CCS: variants seen among roughly 807,000 people sequenced by gnomAD.
CCS encodes copper chaperone for superoxide dismutase.
Under a neutral mutation model 35.5 loss-of-function variants are expected in CCS, and 32 were observed. That is an observed-to-expected ratio of 0.90 (90% CI 0.68 to 1.21). The LOEUF is 1.21. Ranked by LOEUF, CCS falls within the 50% of genes most tolerant of loss-of-function variation. The pLI, the probability that CCS is intolerant of heterozygous loss-of-function variation, is 0.00. For synonymous variants in CCS, 130 were observed against 147.2 expected, an observed-to-expected ratio of 0.88 and a Z score of 0.84; for missense variants, 342 against 375.4, an observed-to-expected ratio of 0.91 and a Z score of 0.73.
chr11:66,599,616 C>A lies in CCS; in HGVS notation c.408C>A (p.Asp136Glu), dbSNP rs201708896. 1 of 1,610,890 alleles carries A rather than the reference C, an allele frequency of 6.2e-7. No homozygotes were observed. The highest frequency in any genetic ancestry group is 2.2e-5 in the East Asian group (1 of 44,794). The change falls in exon 4 of 8, where the codon GAC becomes GAA. Residue 136 changes from aspartate to glutamate, a missense_variant. Transcript: ENST00000533244. ...GACTCCACGTCCATCAGTACGGGGA[C>A]CTTACAAACAACTGCAACAGGTGAG... ...LHGLHVHQYGDLTNNCNSCGN... is the reference protein window; with the variant it reads ...LHGLHVHQYGELTNNCNSCGN...
At chr11:66,602,628 G>A (rs1858589341) in intron 5 of CCS, among the ~76,000 whole-genome samples, 3 of 152,156 alleles carry the variant, frequency 2.0e-5, no homozygotes, top group Admixed American at 6.5e-5. Flanking sequence ...ATTGAAGAGG[G>A]TAAGAGTGGG....
intron 5 of CCS, among the ~76,000 whole-genome samples, chr11:66,604,913 A>G (rs1858629353): frequency 6.6e-6 from 1 of 152,176 alleles, no homozygotes; most frequent in African/African-American, 2.4e-5. Flanking sequence ...TAGGAATTGA[A>G]GACAGCCAAG....
intron 2 of CCS, among the ~76,000 whole-genome samples, chr11:66,596,282 GTA>G (rs1351120190): frequency 1.3e-5 from 2 of 151,998 alleles, no homozygotes; most frequent in Non-Finnish European, 2.9e-5. Flanking sequence ...GGCAAGGCTA[GTA>G]TCGAACTCCT....
At chr11:66,599,303 G>T (rs1484131264) in intron 3 of CCS, 50 bp downstream of exon 3, 1 of 1,539,724 alleles carries the variant, frequency 6.5e-7, no homozygotes, top group Admixed American at 2.1e-5. Context: ...GTGGCTCAGA[G>T]CTGGTACAAA....
At chr11:66,597,151 G>A (rs1858490191) in intron 2 of CCS, among the ~76,000 whole-genome samples, 1 of 152,108 alleles carries the variant, frequency 6.6e-6, no homozygotes. Context: ...TTTTATGTGT[G>A]TAATAGCTTT....
chr11:66,605,060 C>CT (rs1858631425), intron 5 of CCS: 2 of 1,345,310 alleles, frequency 1.5e-6, no homozygotes, highest in Non-Finnish European at 2.0e-6. Context: ...TCCACTGGCT[C>CT]TTTTCAGCCC....
intron 4 of CCS, 61 bp downstream of exon 4, chr11:66,599,697 C>T: frequency 1.4e-6 from 2 of 1,478,330 alleles, no homozygotes; most frequent in South Asian, 2.4e-5. Flanking sequence ...ACTGGGCCCT[C>T]ACCAATACTC....
Position 66,599,635 on chromosome 11 carries a change from A to G in CCS, c.427A>G (p.Ser143Gly). Residue 143 changes from serine to glycine, a missense_variant and splice_region_variant, in exon 4 of 8, where the codon AGC becomes GGC. Transcript: ENST00000533244. ...CGGGGACCTTACAAACAACTGCAAC[A>G]GGTGAGTTGTCTGAAGTCTCCCCAG... Reference protein sequence around the residue: ...QYGDLTNNCNSCGNHFNPDGA... With the variant: ...QYGDLTNNCNGCGNHFNPDGA... The G allele has an allele frequency of 6.2e-7, 1 of 1,611,678 alleles. No individual in the cohort carries two copies. Among genetic ancestry groups the G allele is most frequent in the Non-Finnish European group, 8.5e-7 (1 of 1,179,062 alleles).
rs1858633433 is a variant in CCS at position 66,605,175 on chromosome 11, C to T, written c.490-164C>T. The T allele has an allele frequency of 2.6e-6, 4 of 1,537,556 alleles. No homozygotes were observed. In the African/African-American group the frequency reaches 4.1e-5, roughly 16 times the overall value. The stretch of plus-strand genomic sequence containing the variant: ...CCAGACAGGGCCAAGAGGACCTTGC[C>T]TGCCCAGTCCTTGGGGAGCTCAGAT... On this transcript the variant is annotated intron_variant, in intron 5 of 7. Coordinates refer to ENST00000533244, the MANE Select transcript of CCS (RefSeq NM_005125.2).
intron 5 of CCS, among the ~76,000 whole-genome samples, chr11:66,602,507 T>C (rs183958397): frequency 6.6e-6 from 1 of 152,332 alleles, no homozygotes; most frequent in Admixed American, 6.5e-5. Context: ...CACATTCTTT[T>C]TGTAACCTAA....
chr11:66,603,119 C>A (rs533298106), intron 5 of CCS, among the ~76,000 whole-genome samples: 3 of 152,292 alleles, frequency 2.0e-5, no homozygotes, highest in African/African-American at 7.2e-5. Flanking sequence ...CCTGAGAGTA[C>A]AAGCTGGGCC....
intron 2 of CCS, 79 bp from the exon 3 acceptor site, chr11:66,599,037 T>G: frequency 6.4e-7 from 1 of 1,565,900 alleles, no homozygotes; most frequent in South Asian, 1.1e-5. Context: ...GGATGGAGAA[T>G]TGCTGTCTGT....
At chr11:66,599,038 T>C (rs1291395038) in intron 2 of CCS, 78 bp from the exon 3 acceptor site, 2 of 1,573,332 alleles carry the variant, frequency 1.3e-6, no homozygotes, top group Non-Finnish European at 1.7e-6. Flanking sequence ...GATGGAGAAT[T>C]GCTGTCTGTT....
intron 2 of CCS, among the ~76,000 whole-genome samples, chr11:66,594,794 A>AC (rs1565321792): frequency 3.3e-5 from 5 of 151,322 alleles, no homozygotes. Flanking sequence ...AAAAAAAAAA[A>AC]CAAGTTCACC....
intron 1 of CCS, 85 bp downstream of exon 1, chr11:66,593,385 G>C (rs1858416567): frequency 2.2e-6 from 3 of 1,374,082 alleles, no homozygotes; most frequent in Non-Finnish European, 2.9e-6. Flanking sequence ...AGAGGAGAAG[G>C]AGTGGGCACT....
In CCS at chr11:66,598,767, C is replaced by T. The variant is rs563369042; in HGVS notation, c.113-349C>T. ...TGATGGGCATTTGGGTTATTTTTAT[C>T]TTTTGGCTATTGTGAATAATGCCAC... On this transcript the variant is annotated intron_variant, in intron 2 of 7. Transcript: ENST00000533244. Among the ~76,000 whole-genome samples, 21 of 151,780 alleles carry T rather than the reference C, an allele frequency of 1.4e-4. No individual in the cohort carries two copies. In the South Asian group the frequency reaches 4.4e-3, roughly 32 times the overall value.
chr11:66,605,461 C>T, intron 6 of CCS, 28 bp from the exon 7 acceptor site: 1 of 1,613,612 alleles, frequency 6.2e-7, no homozygotes, highest in African/African-American at 1.3e-5. Flanking sequence ...CAGGGTCCAT[C>T]ATCTGAAGCT....
In CCS at chr11:66,605,595, G is replaced by C; in HGVS notation, c.671+3G>C. Reference sequence around the variant, plus strand: ...ATCACAGGGAACTCCGGGGAGAGGTGAGTGGTGTCGGCCCCTGTAGGAGGC... The same window carrying C: ...ATCACAGGGAACTCCGGGGAGAGGTCAGTGGTGTCGGCCCCTGTAGGAGGC... On this transcript the variant is annotated splice_donor_region_variant and intron_variant, in intron 7 of 7. Coordinates refer to ENST00000533244, the MANE Select transcript of CCS (RefSeq NM_005125.2). The C allele has an allele frequency of 6.2e-7, 1 of 1,612,526 alleles. No homozygotes were observed. The highest frequency in any genetic ancestry group is 8.5e-7 in the Non-Finnish European group (1 of 1,179,168).
chr11:66,605,731 C>A lies in CCS; in HGVS notation c.701C>A (p.Ala234Asp), dbSNP rs750568458. 1 of 1,600,266 alleles carries A rather than the reference C, an allele frequency of 6.2e-7. No individual in the cohort carries two copies. Among genetic ancestry groups the A allele is most frequent in the South Asian group, 1.1e-5 (1 of 89,562 alleles). The change falls in exon 8 of 8, where the codon GCT becomes GAT. Residue 234 changes from alanine (A) to aspartate (D), a missense_variant. Ala to Asp is a moderately radical substitution (Grantham distance 126). Coordinates refer to ENST00000533244, the MANE Select transcript of CCS (RefSeq NM_005125.2). Reference protein sequence around the residue: ...RLACGIIARSAGLFQNPKQIC... With the variant: ...RLACGIIARSDGLFQNPKQIC... The stretch of plus-strand genomic sequence containing the variant: ...GCCTGTGGCATCATTGCACGCTCCG[C>A]TGGCCTTTTCCAGAACCCCAAGCAG...
Sources: allele counts gnomAD v4.1 joint callset (sites outside exome capture counted in the v4.1 genomes callset), GRCh38; gene constraint gnomAD v4.1.1; transcripts MANE v1.5; gene names NCBI Gene and HGNC (gene_info 2026-07-23, HGNC 2026-07-21).